The following DMD variants were observed in gnomAD, a reference collection of about 807,000 sequenced individuals.
DMD encodes the protein mutant dystrophin.
In DMD, 63 loss-of-function variants were observed where a neutral mutation model predicts 330.1. The ratio of observed to expected loss-of-function variants is 0.19; its 90% confidence interval spans 0.16 to 0.24. The LOEUF (loss-of-function observed/expected upper bound fraction) is 0.24, where lower values mean the gene tolerates loss of function less well. Ranked by LOEUF, DMD falls within the 10% of genes least tolerant of loss-of-function variation. The pLI, the probability that DMD is intolerant of heterozygous loss-of-function variation, is 1.00. For synonymous variants in DMD, 1,223 were observed against 959.8 expected (o/e 1.27, Z -5.07); for missense variants, 3,344 against 2,684.1 (o/e 1.25, Z -5.43).
rs2097580621 is a variant in DMD, at chrX:32,315,727, T to C, written c.5923-5451A>G. Among the ~76,000 whole-genome samples the C allele has an allele frequency of 2.7e-5, 3 of 111,164 alleles. No individual in the cohort carries two copies. The South Asian group carries it at 1.1e-3, about 42-fold the overall frequency. Reference sequence around the variant, plus strand: ...TTAAGCTTCTCTCCACCTGACCCCATGTGTCTACCATAGATTATTATATAC... The same window carrying C: ...TTAAGCTTCTCTCCACCTGACCCCACGTGTCTACCATAGATTATTATATAC... On this transcript the variant is annotated intron_variant, in intron 41 of 78. Coordinates refer to ENST00000357033, the MANE Select transcript of DMD (RefSeq NM_004006.3).
rs878886865 is a variant in DMD, at chrX:32,645,268, A to C, written c.961-116T>G. On this transcript the variant is annotated intron_variant, in intron 9 of 78. Coordinates refer to ENST00000357033, the MANE Select transcript of DMD (RefSeq NM_004006.3). ...AATGCTAGGACTGTCCACTGGCATT[A>C]TCAAACACAGGAACAGCAGATACAG... 1.5e-5 allele frequency: 12 copies of C among 787,393 alleles called. No homozygotes were observed. In the South Asian group the frequency reaches 2.8e-4, roughly 19 times the overall value. The allele number at this position is 787,393 out of a possible 1,213,427, so 64.9% of individuals were successfully genotyped here.
chrX:32,687,497 C>A (rs1347280871), intron 9 of DMD, among the ~76,000 whole-genome samples: 1 of 110,880 alleles, frequency 9.0e-6, no homozygotes, highest in Non-Finnish European at 1.9e-5. Flanking sequence ...TCACAAAAGG[C>A]AATAGAGTTT....
chrX:31,177,676 C>A (rs750219251), intron 71 of DMD, among the ~76,000 whole-genome samples: 1 of 109,815 alleles, frequency 9.1e-6, no homozygotes, highest in South Asian at 3.9e-4. Context: ...GAATTCAAGC[C>A]AGGATTTCTG....
chrX:32,055,379 T>G (rs1223393322), intron 44 of DMD, among the ~76,000 whole-genome samples: 2 of 112,251 alleles, frequency 1.8e-5, no homozygotes, highest in South Asian at 7.3e-4. Context: ...GACATTCAAT[T>G]TATAGTAACA....
chrX:33,249,197 C>T (rs1283289685), intron 1 of DMD, among the ~76,000 whole-genome samples: 5 of 112,305 alleles, frequency 4.5e-5, no homozygotes, highest in African/African-American at 1.6e-4. Flanking sequence ...GTTGCCCAGG[C>T]TGGAGTGCAA....
intron 7 of DMD, among the ~76,000 whole-genome samples, chrX:32,726,982 G>T (rs1443530762): frequency 9.1e-6 from 1 of 110,369 alleles, no homozygotes; most frequent in Admixed American, 9.8e-5. Context: ...TCTTGGAGAT[G>T]GTAGATTCAT....
In DMD at chrX:32,458,332, A is replaced by G. The variant is rs370541700; in HGVS notation, c.3433-3500T>C. On this transcript the variant is annotated intron_variant, in intron 25 of 78. Transcript: ENST00000357033. Reference sequence around the variant, plus strand: ...CATCTATGCTGCTGCAAATGGAAGAATTTTCTTTTTTAAAGCTACATAATA... The same window carrying G: ...CATCTATGCTGCTGCAAATGGAAGAGTTTTCTTTTTTAAAGCTACATAATA... Among the ~76,000 whole-genome samples the G allele has an allele frequency of 4.5e-5, 5 of 111,306 alleles. No homozygotes were observed. The East Asian group carries it at 1.1e-3, about 25-fold the overall frequency.
At chrX:32,570,406 G>A (rs1182539724) in intron 15 of DMD, among the ~76,000 whole-genome samples, 1 of 83,413 alleles carries the variant, frequency 1.2e-5, no homozygotes, top group African/African-American at 6.1e-5. Context: ...TTTTCTCTTT[G>A]TTCACAAGCA....
At chrX:32,633,415 C>A (rs1419961648) in intron 11 of DMD, among the ~76,000 whole-genome samples, 1 of 112,107 alleles carries the variant, frequency 8.9e-6, no homozygotes, top group African/African-American at 3.2e-5. Flanking sequence ...CTGTGCATAT[C>A]AGTATCAGCA....
chrX:33,170,300 TAATC>T (rs1330016748), intron 1 of DMD, among the ~76,000 whole-genome samples: 1 of 109,885 alleles, frequency 9.1e-6, no homozygotes, highest in Non-Finnish European at 1.9e-5. Flanking sequence ...GTTGTAGAAA[TAATC>T]AATAAATATG....
At chrX:31,189,476 G>A (rs1046876440) in intron 67 of DMD, among the ~76,000 whole-genome samples, 1 of 111,167 alleles carries the variant, frequency 9.0e-6, no homozygotes, top group Non-Finnish European at 1.9e-5. Flanking sequence ...GGTTGAAAAC[G>A]ATCCACTTAT....
chrX:33,145,416 A>G (rs1390191465), intron 1 of DMD, among the ~76,000 whole-genome samples: 3 of 111,460 alleles, frequency 2.7e-5, no homozygotes, highest in African/African-American at 6.5e-5. Flanking sequence ...TTTGTTCTCA[A>G]TGCAACACTT....
rs188411129 is a variant in DMD, at chrX:32,721,708, T to C, written c.650-22415A>G. On this transcript the variant is annotated intron_variant, in intron 7 of 78. Transcript: ENST00000357033. Reference sequence around the variant, plus strand: ...TTAGATTAATGTAGTTCCACTAGTTTATTTTTGTTTTCTTGCCTGAAATTT... The same window carrying C: ...TTAGATTAATGTAGTTCCACTAGTTCATTTTTGTTTTCTTGCCTGAAATTT... Among the ~76,000 whole-genome samples, 28 of 111,416 alleles carry C rather than the reference T, an allele frequency of 2.5e-4. No homozygotes were observed. The East Asian group carries it at 5.6e-3, about 22-fold the overall frequency.
At chrX:33,164,467 C>T (rs1181421920) in intron 1 of DMD, among the ~76,000 whole-genome samples, 2 of 111,718 alleles carry the variant, frequency 1.8e-5, no homozygotes, top group African/African-American at 6.5e-5. Flanking sequence ...AATAAACACA[C>T]ATGGTAAAAT....
chrX:31,314,754 G>GAA, intron 62 of DMD, among the ~76,000 whole-genome samples: 1 of 103,638 alleles, frequency 9.6e-6, no homozygotes, highest in Non-Finnish European at 2.0e-5. Flanking sequence ...GAGAGAGAGA[G>GAA]AGAGAGAGAG....
At chrX:32,280,165 GTATATATATATATATATA>G in intron 43 of DMD, among the ~76,000 whole-genome samples, 1 of 22,189 alleles carries the variant, frequency 4.5e-5, no homozygotes, top group East Asian at 1.7e-3. Flanking sequence ...TATATATACA[GTATATATATATATATATA>G]TATACACACT....
chrX:31,440,444 C>A (rs1231410224), intron 60 of DMD, among the ~76,000 whole-genome samples: 1 of 111,963 alleles, frequency 8.9e-6, no homozygotes, highest in Non-Finnish European at 1.9e-5. Flanking sequence ...CCACCACACC[C>A]AGCCATTATT....
rs183672435 is a variant in DMD, at chrX:32,713,576, T to C, written c.650-14283A>G. ...AGGAATAGTAGAAATAGTAACTACT[T>C]CCTACTATTGCTCCTCTCTAGATTA... is the stretch of plus-strand genomic sequence containing the variant. On this transcript the variant is annotated intron_variant, in intron 7 of 78. Transcript: ENST00000357033. 5.1e-3 allele frequency among the ~76,000 whole-genome samples: 569 copies of C among 111,971 alleles called. 12 individuals are homozygous for C. The highest frequency in any genetic ancestry group is 0.017 in the African/African-American group (538 of 30,896).
At chrX:32,412,650 C>T (rs10521995) in intron 29 of DMD, among the ~76,000 whole-genome samples, 18,449 of 110,576 alleles carry the variant, frequency 0.17, 1,425 homozygotes, top group African/African-American at 0.29. Context: ...GGAAAGTCTC[C>T]CTTCAAGGAT....
Sources: gnomAD v4.1 joint callset for allele counts (sites outside exome capture counted in the v4.1 genomes callset) on GRCh38, gnomAD v4.1.1 for gene constraint, MANE v1.5 for transcripts, NCBI Gene and HGNC (gene_info 2026-07-23, HGNC 2026-07-21) for gene names.